HS3ST5: variants seen among roughly 807,000 people sequenced by gnomAD.
HS3ST5 encodes the protein heparan sulfate glucosamine 3-O-sulfotransferase 5.
Under a neutral mutation model 25.4 loss-of-function variants are expected in HS3ST5, and 10 were observed. That is an observed-to-expected ratio of 0.39 (90% CI 0.24 to 0.67). HS3ST5 has a LOEUF of 0.67. Among genes scored for constraint, HS3ST5 ranks in the 30% least tolerant of loss-of-function variants. HS3ST5 has a pLI of 0.44. For synonymous variants in HS3ST5, 170 were observed against 162.4 expected, an observed-to-expected ratio of 1.05 and a Z score of -0.36; for missense variants, 324 against 420.7, an observed-to-expected ratio of 0.77 and a Z score of 2.01.
At chr6:114,132,855 A>G (rs999635185) in intron 3 of HS3ST5, among the ~76,000 whole-genome samples, 2 of 152,182 alleles carry the variant, frequency 1.3e-5, no homozygotes, top group African/African-American at 4.8e-5. Context: ...GTCTGAATTC[A>G]GAGGACTTGA....
At chr6:114,093,358 TGTGTGTGTG>T (rs1562194041) in intron 3 of HS3ST5, among the ~76,000 whole-genome samples, 61 of 69,066 alleles carry the variant, frequency 8.8e-4, no homozygotes, top group African/African-American at 3.7e-3. Flanking sequence ...TTTGTTTGTG[TGTGTGTGTG>T]TGTGTGTGTG....
At chr6:114,295,633 TAAC>T (rs1774784640) in intron 1 of HS3ST5, among the ~76,000 whole-genome samples, 1 of 152,180 alleles carries the variant, frequency 6.6e-6, no homozygotes, top group Non-Finnish European at 1.5e-5. Context: ...ATATCTGAAA[TAAC>T]AACGTGGAGA....
At chr6:114,148,209 C>T (rs1418278578) in intron 3 of HS3ST5, among the ~76,000 whole-genome samples, 1 of 152,164 alleles carries the variant, frequency 6.6e-6, no homozygotes, top group Non-Finnish European at 1.5e-5. Context: ...ATAAATGGTA[C>T]TGGGAAAACT....
chr6:114,189,215 T>C (rs1562231358), intron 2 of HS3ST5, among the ~76,000 whole-genome samples: 1 of 152,156 alleles, frequency 6.6e-6, no homozygotes, highest in Non-Finnish European at 1.5e-5. Context: ...TATTTTTTCT[T>C]CTGAATTTAC....
intron 1 of HS3ST5, among the ~76,000 whole-genome samples, chr6:114,255,400 T>C (rs1458715412): frequency 6.6e-6 from 1 of 152,062 alleles, no homozygotes; most frequent in South Asian, 2.1e-4. Context: ...CACCGCTGAG[T>C]GTCTGCGGCT....
intron 1 of HS3ST5, among the ~76,000 whole-genome samples, chr6:114,260,526 G>C (rs1190622343): frequency 6.6e-6 from 1 of 152,182 alleles, no homozygotes; most frequent in Non-Finnish European, 1.5e-5. Flanking sequence ...ATTTTTAAGA[G>C]AGAAGTCAGG....
chr6:114,246,842 G>T (rs1772402845), intron 1 of HS3ST5, among the ~76,000 whole-genome samples: 1 of 152,130 alleles, frequency 6.6e-6, no homozygotes, highest in Non-Finnish European at 1.5e-5. Context: ...AAAGAGAAAA[G>T]ATTTCTCCTT....
At chr6:114,242,134 G>A (rs1772157068) in intron 1 of HS3ST5, among the ~76,000 whole-genome samples, 1 of 152,168 alleles carries the variant, frequency 6.6e-6, no homozygotes, top group Admixed American at 6.5e-5. Flanking sequence ...CTTGAAATGT[G>A]ACTAGTCCAA....
intron 2 of HS3ST5, among the ~76,000 whole-genome samples, chr6:114,186,944 T>C (rs772203861): frequency 6.6e-6 from 1 of 152,218 alleles, no homozygotes; most frequent in Non-Finnish European, 1.5e-5. Flanking sequence ...CTGAGCTCTA[T>C]AAATGGAACA....
rs1377195706 is a variant in HS3ST5 at position 114,342,893 on chromosome 6, C to G, written c.-1037G>C. 6.6e-6 allele frequency: 1 copy of G among 152,652 alleles called. No individual in the cohort carries two copies. Among genetic ancestry groups the G allele is most frequent in the Non-Finnish European group, 1.5e-5 (1 of 68,418 alleles). The allele number at this position is 152,652 out of a possible 1,614,324, so 9.5% of individuals were successfully genotyped here. On this transcript the variant is annotated 5_prime_UTR_variant, in exon 1 of 5. Coordinates refer to ENST00000312719, the MANE Select transcript of HS3ST5 (RefSeq NM_153612.4). ...CACGGCCGCCGCCCGGCCCCCAGAGCGCCCGAGCCGGCAGCTGCCTCCCGG... is the reference window on the plus strand; with the variant it reads ...CACGGCCGCCGCCCGGCCCCCAGAGGGCCCGAGCCGGCAGCTGCCTCCCGG...
At chr6:114,196,252 A>C (rs187338288) in intron 2 of HS3ST5, among the ~76,000 whole-genome samples, 1 of 152,216 alleles carries the variant, frequency 6.6e-6, no homozygotes, top group African/African-American at 2.4e-5. Context: ...CATTGGCGAG[A>C]CTGTAACAGT....
chr6:114,302,212 G>A (rs1252496836), intron 1 of HS3ST5, among the ~76,000 whole-genome samples: 1 of 152,034 alleles, frequency 6.6e-6, no homozygotes. Context: ...GGCTCAACTA[G>A]GTAATGAGAA....
chr6:114,144,918 G>C (rs1240278175), intron 3 of HS3ST5, among the ~76,000 whole-genome samples: 2 of 152,200 alleles, frequency 1.3e-5, no homozygotes, highest in Non-Finnish European at 2.9e-5. Flanking sequence ...TTGCTCTGCT[G>C]TTAGTTGGGA....
intron 2 of HS3ST5, among the ~76,000 whole-genome samples, chr6:114,219,982 T>C (rs1380433066): frequency 6.6e-6 from 1 of 152,128 alleles, no homozygotes. Flanking sequence ...TCTTCAGGAC[T>C]TTAGTTGTTT....
At chr6:114,152,077 C>A (rs1298733294) in intron 3 of HS3ST5, among the ~76,000 whole-genome samples, 12 of 152,064 alleles carry the variant, frequency 7.9e-5, no homozygotes, top group Admixed American at 4.6e-4. Flanking sequence ...ACTACAGGCG[C>A]GTGCCACCAT....
intron 1 of HS3ST5, among the ~76,000 whole-genome samples, chr6:114,262,505 C>A (rs911198041): frequency 6.6e-6 from 1 of 151,900 alleles, no homozygotes; most frequent in Non-Finnish European, 1.5e-5. Context: ...TGAGACTGTG[C>A]CATTGCACTC....
intron 1 of HS3ST5, among the ~76,000 whole-genome samples, chr6:114,328,127 T>C (rs1396099473): frequency 2.0e-5 from 3 of 152,060 alleles, no homozygotes; most frequent in Non-Finnish European, 4.4e-5. Context: ...TATAAAATCC[T>C]AAATTTGATC....
At chr6:114,218,059 A>G (rs543712741) in intron 2 of HS3ST5, among the ~76,000 whole-genome samples, 1 of 152,214 alleles carries the variant, frequency 6.6e-6, no homozygotes, top group Admixed American at 6.5e-5. Context: ...GGGCAGTGGC[A>G]TGATCTCGGC....
intron 1 of HS3ST5, among the ~76,000 whole-genome samples, chr6:114,325,880 A>C (rs562488453): frequency 6.6e-6 from 1 of 152,256 alleles, no homozygotes; most frequent in South Asian, 2.1e-4. Flanking sequence ...CTATGATTTC[A>C]TTCAACAAGT....
Sources: gnomAD v4.1 joint callset for allele counts (sites outside exome capture counted in the v4.1 genomes callset) on GRCh38, gnomAD v4.1.1 for gene constraint, MANE v1.5 for transcripts, NCBI Gene and HGNC (gene_info 2026-07-23, HGNC 2026-07-21) for gene names.